The following PDE6C variants were observed in gnomAD, a reference collection of about 807,000 sequenced individuals.
PDE6C encodes cone cGMP-specific 3',5'-cyclic phosphodiesterase subunit alpha'.
A neutral mutation model predicts 113.1 loss-of-function variants in PDE6C; 75 were observed. The observed-to-expected ratio is 0.66, with a 90% CI of 0.55 to 0.80. The LOEUF is 0.80. PDE6C is among the 30% of genes least tolerant of loss of function. The probability of loss-of-function intolerance (pLI) is 0.00; values close to 1 mark genes in which losing one functional copy is unlikely to be tolerated. For missense variants in PDE6C, 912 were observed against 1,038.6 expected (o/e 0.88, Z 1.67); for synonymous variants, 375 against 363.7 (o/e 1.03, Z -0.35).
At chr10:93,630,629 G>C (rs1274458262) in intron 8 of PDE6C, among the ~76,000 whole-genome samples, 1 of 152,032 alleles carries the variant, frequency 6.6e-6, no homozygotes, top group Non-Finnish European at 1.5e-5. Flanking sequence ...AATAGAGACT[G>C]CCCTCCCCGG....
At chr10:93,626,750 T>G in intron 6 of PDE6C, 46 bp downstream of exon 6, 1 of 1,604,906 alleles carries the variant, frequency 6.2e-7, no homozygotes, top group Non-Finnish European at 8.5e-7. Context: ...GTTGTATTTT[T>G]GCACATATTG....
intron 8 of PDE6C, 68 bp from the exon 9 acceptor site, chr10:93,634,690 C>T: frequency 6.6e-7 from 1 of 1,516,032 alleles, no homozygotes; most frequent in Non-Finnish European, 9.1e-7. Context: ...TTGTAATATC[C>T]TGTGAATTTA....
intron 16 of PDE6C, 118 bp from the exon 17 acceptor site, chr10:93,658,783 T>C (rs1215978720): frequency 2.8e-6 from 2 of 709,246 alleles, no homozygotes; most frequent in African/African-American, 3.5e-5. Context: ...CTGTAGACTT[T>C]GCTATGTGGA....
At chr10:93,623,556 C>T (rs529893541) in intron 4 of PDE6C, among the ~76,000 whole-genome samples, 1 of 152,136 alleles carries the variant, frequency 6.6e-6, no homozygotes, top group Non-Finnish European at 1.5e-5. Flanking sequence ...TCACCTAGAT[C>T]TTCTATGTCA....
At chr10:93,641,277 T>C (rs2058558560) in intron 14 of PDE6C, among the ~76,000 whole-genome samples, 1 of 152,188 alleles carries the variant, frequency 6.6e-6, no homozygotes, top group South Asian at 2.1e-4. Context: ...CTTCTTCCTA[T>C]AGGCCTTCAG....
In PDE6C at chr10:93,658,904, G is replaced by T; in HGVS notation, c.2040G>T (p.Lys680Asn). The change falls in exon 17 of 22, where the codon AAG becomes AAT. Residue 680 changes from lysine to asparagine, a missense_variant. Physicochemically the swap from Lys to Asn is moderately conservative, Grantham distance 94 (BLOSUM62 0). Coordinates refer to ENST00000371447, the MANE Select transcript of PDE6C (RefSeq NM_006204.4). ...IATDLALYFK[K>N]RTMFQKIVDA... ...CTCACAGCTGTATCTTTTCTAGGAAGAGGACCATGTTTCAAAAAATTGTTG... is the reference window on the plus strand; with the variant it reads ...CTCACAGCTGTATCTTTTCTAGGAATAGGACCATGTTTCAAAAAATTGTTG... 1 of 1,591,048 alleles carries T rather than the reference G, an allele frequency of 6.3e-7. No individual in the cohort carries two copies. Among genetic ancestry groups the T allele is most frequent in the Non-Finnish European group, 8.6e-7 (1 of 1,159,388 alleles).
At chr10:93,615,238 G>C (rs1250460358) in intron 1 of PDE6C, among the ~76,000 whole-genome samples, 18 of 152,162 alleles carry the variant, frequency 1.2e-4, no homozygotes, top group Admixed American at 1.2e-3. Context: ...GCTGCAGTGA[G>C]CTGTGTTCAC....
In PDE6C at chr10:93,662,599, C is replaced by T; in HGVS notation, c.2323C>T (p.Leu775Phe). ...DRNKRDELPKLQVGFIDFVCT... is the reference protein window; with the variant it reads ...DRNKRDELPKFQVGFIDFVCT... ...AAACAAAAGAGATGAATTACCTAAA[C>T]TTCAAGTTGGATTTATTGATTTTGT... The change falls in exon 20 of 22, where the codon CTT (leucine) becomes TTT (phenylalanine). Residue 775 changes from leucine (L) to phenylalanine (F), a missense_variant. Physicochemically the swap from Leu to Phe is conservative, Grantham distance 22. Coordinates refer to ENST00000371447, the MANE Select transcript of PDE6C (RefSeq NM_006204.4). The T allele has an allele frequency of 6.7e-7, 1 of 1,501,280 alleles. No individual in the cohort carries two copies. Among genetic ancestry groups the T allele is most frequent in the Non-Finnish European group, 9.3e-7 (1 of 1,078,954 alleles). 93.0% of individuals were successfully genotyped at this position (1,501,280 alleles called of 1,614,324 possible).
At chr10:93,635,261 C>T (rs1319445233) in intron 9 of PDE6C, among the ~76,000 whole-genome samples, 5 of 152,190 alleles carry the variant, frequency 3.3e-5, no homozygotes, top group Non-Finnish European at 5.9e-5. Flanking sequence ...CTTGACTATA[C>T]TGGTGTTGGT....
chr10:93,634,888 A>G lies in PDE6C; in HGVS notation c.1250A>G (p.His417Arg), dbSNP rs746820022. 15 of 1,614,034 alleles carry G rather than the reference A, an allele frequency of 9.3e-6. No individual in the cohort carries two copies. The South Asian group carries it at 1.2e-4, about 13-fold the overall frequency. ...AAGGATGGAAAACCTTTCGATGAGC[A>G]TGATGAATACATTACCGAGGCAAGT... ...NRKDGKPFDEHDEYITETLTQ... is the reference protein window; with the variant it reads ...NRKDGKPFDERDEYITETLTQ... The change falls in exon 9 of 22, where the codon CAT becomes CGT. Residue 417 changes from histidine to arginine, a missense_variant. Coordinates refer to ENST00000371447, the MANE Select transcript of PDE6C (RefSeq NM_006204.4).
rs1374353987 is a variant in PDE6C, at chr10:93,640,164, T to A, written c.1577T>A (p.Ile526Lys). 5.0e-6 allele frequency: 8 copies of A among 1,613,484 alleles called. No individual in the cohort carries two copies. In the Admixed American group the frequency reaches 1.3e-4, roughly 27 times the overall value. Reference sequence around the variant, plus strand: ...GAGCACGGATTGATTAAATGTGGAATACGACTGTTTTTTGAAATAAATGTG... The same window carrying A: ...GAGCACGGATTGATTAAATGTGGAAAACGACTGTTTTTTGAAATAAATGTG... Reference protein sequence around the residue: ...LTEHGLIKCGIRLFFEINVVE... With the variant: ...LTEHGLIKCGKRLFFEINVVE... Residue 526 changes from isoleucine (I) to lysine (K), a missense_variant, in exon 12 of 22, where the codon ATA becomes AAA. Ile to Lys is a moderately radical substitution (Grantham distance 102). Transcript: ENST00000371447.
In PDE6C at chr10:93,647,114, A is replaced by C. The variant is rs186790676; in HGVS notation, c.1935+1067A>C. ...TCCCTTGATCAATTTTATTGAAGGG[A>C]TATATGGGCCTGTGGAAAGTTGTGG... On this transcript the variant is annotated intron_variant, in intron 15 of 21. Transcript: ENST00000371447. Among the ~76,000 whole-genome samples the C allele has an allele frequency of 3.3e-4, 51 of 152,288 alleles. 1 individual carries two copies. Among genetic ancestry groups the C allele is most frequent in the Admixed American group, 2.9e-3 (45 of 15,290 alleles).
chr10:93,658,738 TATACCACC>T (rs146882887), intron 16 of PDE6C, among the ~76,000 whole-genome samples, 155 bp from the exon 17 acceptor site: 2,204 of 152,262 alleles, frequency 0.014, 54 homozygotes, highest in African/African-American at 0.05. Context: ...GAGCCAAAGT[TATACCACC>T]ATTCTCTGCT....
rs780670758 is a variant in PDE6C, at chr10:93,626,812, C to T, written c.1012C>T (p.Pro338Ser). 3 of 1,614,008 alleles carry T rather than the reference C, an allele frequency of 1.9e-6. No individual in the cohort carries two copies. The highest frequency in any genetic ancestry group is 1.7e-5 in the Admixed American group (1 of 60,026). Residue 338 changes from proline (P) to serine (S), a missense_variant, in exon 7 of 22, where the codon CCT (proline) becomes TCT (serine). Physicochemically the swap from Pro to Ser is moderately conservative, Grantham distance 74. Coordinates refer to ENST00000371447, the MANE Select transcript of PDE6C (RefSeq NM_006204.4). Reference protein sequence around the residue: ...KEEIKVIPTPPADHWTLISGL... With the variant: ...KEEIKVIPTPSADHWTLISGL... ...TTTCTTCTCTTCCCCAAGGACGCCTCCTGCAGACCACTGGACACTCATTAG... is the reference window on the plus strand; with the variant it reads ...TTTCTTCTCTTCCCCAAGGACGCCTTCTGCAGACCACTGGACACTCATTAG...
Position 93,663,172 on chromosome 10 carries a change from G to T in PDE6C, c.2512G>T (p.Glu838Ter). ...EEAKKQEGGA[E>*]KAAEDSGGGD... ...GGCAAAAAAGCAAGAAGGAGGAGCC[G>T]AAAAAGGTTAGATGGGCTCTGTTTT... The change falls in exon 21 of 22, where the codon GAA becomes TAA. Residue 838 changes from glutamate to a stop codon, truncating the protein, a stop_gained. Coordinates refer to ENST00000371447, the MANE Select transcript of PDE6C (RefSeq NM_006204.4). LOFTEE classifies it high-confidence loss of function. 1 of 1,613,182 alleles carries T rather than the reference G, an allele frequency of 6.2e-7. No individual in the cohort carries two copies. Among genetic ancestry groups the T allele is most frequent in the East Asian group, 2.2e-5 (1 of 44,784 alleles).
In PDE6C at chr10:93,637,046, C is replaced by A; in HGVS notation, c.1465C>A (p.Gln489Lys). 6.3e-7 allele frequency: 1 copy of A among 1,594,984 alleles called. No individual in the cohort carries two copies. The highest frequency in any genetic ancestry group is 8.6e-7 in the Non-Finnish European group (1 of 1,162,872). ...TGTAATTGACGACTGTGAAGAAAAA[C>A]AACTTGTTGCAATTTTGGTAAGTGT... The part of the protein sequence containing the change: ...VDVIDDCEEK[Q>K]LVAILKEDLP... Residue 489 changes from glutamine (Q) to lysine (K), a missense_variant, in exon 11 of 22, where the codon CAA (glutamine) becomes AAA (lysine). Physicochemically the swap from Gln to Lys is moderately conservative, Grantham distance 53. Transcript: ENST00000371447.
chr10:93,657,123 A>G (rs751304083), intron 16 of PDE6C, among the ~76,000 whole-genome samples: 1 of 151,708 alleles, frequency 6.6e-6, no homozygotes, highest in Non-Finnish European at 1.5e-5. Context: ...ATTTCCATCC[A>G]TGTTTTTATA....
intron 13 of PDE6C, among the ~76,000 whole-genome samples, 173 bp from the exon 14 acceptor site, chr10:93,640,747 C>A (rs1428232692): frequency 6.6e-6 from 1 of 152,158 alleles, no homozygotes; most frequent in Non-Finnish European, 1.5e-5. Context: ...CACACACTTA[C>A]CTTCTTAAAG....
At chr10:93,642,446 G>A (rs778554830) in intron 14 of PDE6C, among the ~76,000 whole-genome samples, 1 of 152,184 alleles carries the variant, frequency 6.6e-6, no homozygotes. Context: ...TCATTCACCA[G>A]TATTGCTCAT....
Sources: allele counts gnomAD v4.1 joint callset (sites outside exome capture counted in the v4.1 genomes callset), GRCh38; gene constraint gnomAD v4.1.1; transcripts MANE v1.5; gene names NCBI Gene and HGNC (gene_info 2026-07-23, HGNC 2026-07-21).